TENM3: variants seen among roughly 807,000 people sequenced by gnomAD.
The protein encoded by TENM3 is teneurin-3.
A neutral mutation model predicts 255.1 loss-of-function variants in TENM3; 63 were observed. That is an observed-to-expected ratio of 0.25 (90% CI 0.20 to 0.30). The LOEUF is 0.30. Ranked by LOEUF, TENM3 falls within the 10% of genes least tolerant of loss-of-function variation. The pLI, the probability that TENM3 is intolerant of heterozygous loss-of-function variation, is 1.00. For synonymous variants in TENM3, 1,306 were observed against 1,322.3 expected (o/e 0.99, Z 0.27); for missense variants, 2,929 against 3,461.1 (o/e 0.85, Z 3.86).
the TENM3 span, among the ~76,000 whole-genome samples, chr4:181,762,493 C>T: frequency 2.0e-5 from 3 of 152,084 alleles, no homozygotes; most frequent in African/African-American, 4.8e-5. Context: ...TTTGAAGACT[C>T]CATCATAGTG....
chr4:181,888,340 T>A, the TENM3 span, among the ~76,000 whole-genome samples: 1 of 151,284 alleles, frequency 6.6e-6, no homozygotes, highest in Non-Finnish European at 1.5e-5. Context: ...CAAGGCTCAA[T>A]TTTAGTTTGT....
chr4:182,520,457 A>T (rs979268595), intron 3 of TENM3, among the ~76,000 whole-genome samples: 1 of 152,208 alleles, frequency 6.6e-6, no homozygotes, highest in Non-Finnish European at 1.5e-5. Context: ...CAAAGATTTC[A>T]TATTGCTTTT....
the TENM3 span, among the ~76,000 whole-genome samples, chr4:181,759,160 G>C: frequency 1.3e-5 from 2 of 152,008 alleles, no homozygotes; most frequent in African/African-American, 4.8e-5. Flanking sequence ...TGCAAAATGA[G>C]TTAAAAGAAA....
At chr4:181,877,731 A>G in the TENM3 span, among the ~76,000 whole-genome samples, 71 of 152,274 alleles carry the variant, frequency 4.7e-4, no homozygotes, top group African/African-American at 1.6e-3. Flanking sequence ...GCCTACAGCA[A>G]GAGGAAGGAA....
the TENM3 span, among the ~76,000 whole-genome samples, chr4:181,917,023 A>AG: frequency 6.6e-6 from 1 of 152,182 alleles, no homozygotes. Flanking sequence ...ATCCTTTCTC[A>AG]GGTCTGTTAT....
chr4:181,660,954 T>A, the TENM3 span, among the ~76,000 whole-genome samples: 1 of 152,186 alleles, frequency 6.6e-6, no homozygotes, highest in Admixed American at 6.6e-5. Context: ...GATTTCTTTT[T>A]ACATCAATCC....
At chr4:182,337,478 T>G (rs1421012365) in intron 2 of TENM3, among the ~76,000 whole-genome samples, 1 of 152,064 alleles carries the variant, frequency 6.6e-6, no homozygotes, top group African/African-American at 2.4e-5. Flanking sequence ...AAATGAAAAT[T>G]AAAACCACAA....
At chr4:181,486,344 C>T in the TENM3 span, among the ~76,000 whole-genome samples, 5 of 152,174 alleles carry the variant, frequency 3.3e-5, no homozygotes, top group Non-Finnish European at 7.3e-5. Context: ...TTCACATTGT[C>T]AGCTTAAATA....
the TENM3 span, among the ~76,000 whole-genome samples, chr4:181,550,959 C>T: frequency 4.6e-5 from 7 of 151,992 alleles, no homozygotes; most frequent in South Asian, 1.5e-3. Flanking sequence ...GGGCTCATTC[C>T]CCATTACCTT....
At chr4:182,187,197 A>G (rs925505607) in intron 1 of TENM3, among the ~76,000 whole-genome samples, 2 of 152,298 alleles carry the variant, frequency 1.3e-5, no homozygotes, top group South Asian at 4.2e-4. Flanking sequence ...TCTAAAATAA[A>G]TATGAGAAAA....
At chr4:182,127,773 T>G in the TENM3 span, among the ~76,000 whole-genome samples, 1 of 152,188 alleles carries the variant, frequency 6.6e-6, no homozygotes, top group Non-Finnish European at 1.5e-5. Flanking sequence ...TGCAATTTTG[T>G]TTTCAATGTA....
chr4:182,766,385 A>C (rs1299636333), intron 22 of TENM3, among the ~76,000 whole-genome samples: 1 of 152,196 alleles, frequency 6.6e-6, no homozygotes, highest in Non-Finnish European at 1.5e-5. Context: ...AAAAAGAAAA[A>C]AAAAAGACAG....
chr4:181,927,418 T>C, the TENM3 span, among the ~76,000 whole-genome samples: 8 of 152,172 alleles, frequency 5.3e-5, no homozygotes, highest in South Asian at 2.1e-4. Context: ...GAGTTCAAAC[T>C]GGGCGGAGCC....
chr4:182,287,531 G>T (rs545026321), intron 1 of TENM3, among the ~76,000 whole-genome samples: 14 of 152,286 alleles, frequency 9.2e-5, no homozygotes, highest in African/African-American at 2.9e-4. Flanking sequence ...GTCCTGACCA[G>T]CCTAGGACAA....
chr4:181,905,965 TG>T, the TENM3 span: 2 of 551,384 alleles, frequency 3.6e-6, no homozygotes, highest in Non-Finnish European at 3.4e-6. Context: ...TCTTCAGATC[TG>T]GGTGGTACAT....
In TENM3 at chr4:182,719,258, T is replaced by TC. The variant is rs1201106501; in HGVS notation, c.2368+5025_2368+5026insC. Among the ~76,000 whole-genome samples the TC allele has an allele frequency of 3.2e-4, 40 of 123,906 alleles. 2 individuals are homozygous for TC. Among genetic ancestry groups the TC allele is most frequent in the South Asian group, 9.2e-4 (3 of 3,274 alleles). The allele number at this position is 123,906 out of a possible 152,430, so 81.3% of individuals were successfully genotyped here. On this transcript the variant is annotated intron_variant, in intron 13 of 27. Transcript: ENST00000511685. ...ATAGAGTTCTTTTTTTTTTCTTTTT[T>TC]TTTTTTTTTTTTTTTTTTTTTGAGA...
chr4:181,562,530 A>G, the TENM3 span, among the ~76,000 whole-genome samples: 1 of 152,112 alleles, frequency 6.6e-6, no homozygotes, highest in Non-Finnish European at 1.5e-5. Context: ...CCAGGGACCC[A>G]TGTATTTTCC....
the TENM3 span, among the ~76,000 whole-genome samples, chr4:182,086,510 T>C: frequency 2.0e-5 from 3 of 152,198 alleles, no homozygotes; most frequent in South Asian, 2.1e-4. Flanking sequence ...GAAGCTACGA[T>C]AGAAGAAGAG....
At chr4:182,099,875 G>C in the TENM3 span, among the ~76,000 whole-genome samples, 1 of 152,090 alleles carries the variant, frequency 6.6e-6, no homozygotes, top group Non-Finnish European at 1.5e-5. Context: ...GGTAAAGAGG[G>C]AAGCAGGGGC....
Sources: allele counts gnomAD v4.1 joint callset (sites outside exome capture counted in the v4.1 genomes callset), GRCh38; gene constraint gnomAD v4.1.1; transcripts MANE v1.5; gene names NCBI Gene and HGNC (gene_info 2026-07-23, HGNC 2026-07-21).